ZNF723: variants seen among roughly 807,000 people sequenced by gnomAD.
ZNF723 encodes zinc finger protein 723, pseudogene.
A neutral mutation model predicts 9.4 loss-of-function variants in ZNF723; 5 were observed. That is an observed-to-expected ratio of 0.53 (90% CI 0.28 to 1.12). The LOEUF is 1.12. ZNF723 is among the 50% of genes most tolerant of loss of function. The probability of loss-of-function intolerance (pLI) is 0.10; values close to 1 mark genes in which losing one functional copy is unlikely to be tolerated. For missense variants in ZNF723, 450 were observed against 501.5 expected (o/e 0.90, Z 0.98); for synonymous variants, 158 against 168.8 (o/e 0.94, Z 0.49).
At chr19:22,854,922 C>T (rs577982308) in intron 3 of ZNF723, among the ~76,000 whole-genome samples, 8 of 152,072 alleles carry the variant, frequency 5.3e-5, no homozygotes, top group African/African-American at 1.7e-4. Context: ...TGGCACATGC[C>T]TGTAATCCCA....
intron 1 of ZNF723, among the ~76,000 whole-genome samples, chr19:22,834,104 C>CCATGTTTTAGT (rs1346078602): frequency 4.6e-5 from 7 of 150,826 alleles, no homozygotes; most frequent in African/African-American, 1.7e-4. Flanking sequence ...TTAGTGGAGA[C>CCATGTTTTAGT]GGGGTTTCAC....
At chr19:22,819,767 G>A in the ZNF723 span, among the ~76,000 whole-genome samples, 8 of 152,302 alleles carry the variant, frequency 5.3e-5, no homozygotes, top group Middle Eastern at 3.4e-3. Context: ...CACCATCTAG[G>A]TGATGTGACT....
At chr19:22,819,666 T>C in the ZNF723 span, among the ~76,000 whole-genome samples, 1 of 152,238 alleles carries the variant, frequency 6.6e-6, no homozygotes, top group African/African-American at 2.4e-5. Context: ...ACAGAAAGCA[T>C]TGCAACATAT....
chr19:22,849,818 A>G (rs929316000), intron 3 of ZNF723, among the ~76,000 whole-genome samples: 1 of 152,110 alleles, frequency 6.6e-6, no homozygotes, highest in African/African-American at 2.4e-5. Context: ...CTGAGTCAGG[A>G]GAATCGCTTG....
intron 1 of ZNF723, among the ~76,000 whole-genome samples, chr19:22,838,990 G>A (rs1967204047): frequency 6.6e-6 from 1 of 152,034 alleles, no homozygotes; most frequent in East Asian, 1.9e-4. Context: ...TAGGTGATCT[G>A]CCCTCCTCGG....
chr19:22,845,385 CG>C (rs1383546311), intron 1 of ZNF723, among the ~76,000 whole-genome samples: 1 of 152,044 alleles, frequency 6.6e-6, no homozygotes, highest in Non-Finnish European at 1.5e-5. Flanking sequence ...GCCCTTTCCA[CG>C]GGTTCTTTTT....
the ZNF723 span, among the ~76,000 whole-genome samples, chr19:22,823,840 C>G: frequency 6.6e-6 from 1 of 152,312 alleles, no homozygotes; most frequent in South Asian, 2.1e-4. Flanking sequence ...GCCTTGCCTA[C>G]AAGAAAGATT....
Position 22,857,291 on chromosome 19 carries a change from A to C in ZNF723, c.400A>C (p.Lys134Gln), listed in dbSNP as rs963852599. 1.3e-4 allele frequency: 102 copies of C among 815,284 alleles called. No homozygotes were observed. Among genetic ancestry groups the C allele is most frequent in the Admixed American group, 1.8e-5 (1 of 57,132 alleles). 50.5% of individuals were successfully genotyped at this position (815,284 alleles called of 1,614,324 possible). ...KMHKGGYDEL[K>Q]QCLTTTPSKI... ...GCACAAAGGAGGTTATGATGAACTT[A>C]AGCAATGTTTGACAACTACCCCGAG... Residue 134 changes from lysine (K) to glutamine (Q), a missense_variant, in exon 4 of 4, where the codon AAG becomes CAG. Around this residue, in one of 5 missense-constraint regions of ZNF723, gnomAD observed 143 missense variants for 101.3 expected, o/e 1.41. Transcript: ENST00000600766.
At chr19:22,816,825 C>T in the ZNF723 span, among the ~76,000 whole-genome samples, 4 of 152,246 alleles carry the variant, frequency 2.6e-5, no homozygotes, top group African/African-American at 7.2e-5. Context: ...GAGTCCAGCA[C>T]CCAGGTGATA....
At chr19:22,846,371 C>T (rs1967309829) in intron 1 of ZNF723, among the ~76,000 whole-genome samples, 1 of 152,128 alleles carries the variant, frequency 6.6e-6, no homozygotes, top group Non-Finnish European at 1.5e-5. Context: ...ACCTGTAATC[C>T]CAGCAGTTTG....
chr19:22,838,117 C>T (rs1967190885), intron 1 of ZNF723, among the ~76,000 whole-genome samples: 1 of 152,200 alleles, frequency 6.6e-6, no homozygotes. Flanking sequence ...TATTTTGTCA[C>T]TGAGGTACTA....
upstream of ZNF723, among the ~76,000 whole-genome samples, chr19:22,829,046 A>G (rs1599467884): frequency 6.6e-6 from 1 of 151,884 alleles, no homozygotes; most frequent in African/African-American, 2.4e-5. Context: ...GGTGGCAGGC[A>G]CCTGTAATCA....
the ZNF723 span, among the ~76,000 whole-genome samples, chr19:22,826,537 C>T: frequency 1.3e-5 from 2 of 152,168 alleles, no homozygotes; most frequent in African/African-American, 2.4e-5. Context: ...CATATGCACA[C>T]CCAGGCAACA....
chr19:22,813,502 C>T, the ZNF723 span, among the ~76,000 whole-genome samples: 99 of 152,228 alleles, frequency 6.5e-4, no homozygotes, highest in African/African-American at 2.3e-3. Flanking sequence ...ACAGGGGACA[C>T]TGATATATTC....
At chr19:22,827,943 G>A (rs1433050256), upstream of ZNF723, among the ~76,000 whole-genome samples, 1 of 152,058 alleles carries the variant, frequency 6.6e-6, no homozygotes, top group African/African-American at 2.4e-5. Context: ...AGCTGGGTGT[G>A]GTGGCACATG....
chr19:22,820,957 T>A, the ZNF723 span, among the ~76,000 whole-genome samples: 1 of 152,188 alleles, frequency 6.6e-6, no homozygotes, highest in African/African-American at 2.4e-5. Context: ...GTGGAGGTAG[T>A]CAAAAGTTGG....
At chr19:22,813,052 C>T in the ZNF723 span, among the ~76,000 whole-genome samples, 8 of 152,112 alleles carry the variant, frequency 5.3e-5, no homozygotes, top group Admixed American at 3.3e-4. Flanking sequence ...TGGCTGACTG[C>T]AACCTCCACC....
chr19:22,836,114 T>C (rs1459269304), intron 1 of ZNF723, among the ~76,000 whole-genome samples: 1 of 152,134 alleles, frequency 6.6e-6, no homozygotes, highest in Non-Finnish European at 1.5e-5. Context: ...AAGGCTAATA[T>C]TGAGCCTGCA....
chr19:22,843,755 G>A (rs543886129), intron 1 of ZNF723, among the ~76,000 whole-genome samples: 9 of 151,950 alleles, frequency 5.9e-5, no homozygotes, highest in South Asian at 2.1e-4. Flanking sequence ...TATTATATGC[G>A]TTTCTATTAC....
Sources: allele counts gnomAD v4.1 joint callset (sites outside exome capture counted in the v4.1 genomes callset), GRCh38; gene constraint gnomAD v4.1.1; regional missense constraint gnomAD v4.1.1; transcripts MANE v1.5; gene names NCBI Gene and HGNC (gene_info 2026-07-23, HGNC 2026-07-21).